The following PKN2 variants were observed in gnomAD, a reference collection of about 807,000 sequenced individuals.
PKN2 encodes protein kinase N2.
Under a neutral mutation model 119.1 loss-of-function variants are expected in PKN2, and 38 were observed. The ratio of observed to expected loss-of-function variants is 0.32; its 90% confidence interval spans 0.25 to 0.42. PKN2 has a LOEUF of 0.42. PKN2 is among the 10% of genes least tolerant of loss of function. The pLI is 1.00. For synonymous variants in PKN2, 390 were observed against 384.9 expected (o/e 1.01, Z -0.15); for missense variants, 850 against 1,165.1 (o/e 0.73, Z 3.94).
At chr1:88,704,277 A>C (rs982906414) in intron 1 of PKN2, among the ~76,000 whole-genome samples, 1 of 152,100 alleles carries the variant, frequency 6.6e-6, no homozygotes, top group Non-Finnish European at 1.5e-5. Flanking sequence ...CTTTCACTCA[A>C]ATCATGATTT....
chr1:88,798,649 A>G (rs1053911122), intron 8 of PKN2, among the ~76,000 whole-genome samples: 7 of 152,210 alleles, frequency 4.6e-5, no homozygotes, highest in Admixed American at 2.0e-4. Flanking sequence ...GAGATGAAAA[A>G]TATGAAAGAA....
intron 2 of PKN2, among the ~76,000 whole-genome samples, chr1:88,747,356 A>G (rs1248813770): frequency 1.3e-5 from 2 of 152,200 alleles, no homozygotes; most frequent in Admixed American, 6.5e-5. Flanking sequence ...GAAACATCAC[A>G]TTATACCCCA....
intron 15 of PKN2, among the ~76,000 whole-genome samples, chr1:88,811,676 G>A (rs959330484): frequency 6.6e-6 from 1 of 152,088 alleles, no homozygotes; most frequent in Non-Finnish European, 1.5e-5. Flanking sequence ...CATTCTTGGT[G>A]CTCTTTTCCC....
chr1:88,786,155 G>T lies in PKN2; in HGVS notation c.1223G>T (p.Ser408Ile). 1 of 1,613,248 alleles carries T rather than the reference G, an allele frequency of 6.2e-7. No homozygotes were observed. Among genetic ancestry groups the T allele is most frequent in the Non-Finnish European group, 8.5e-7 (1 of 1,179,254 alleles). Reference protein sequence around the residue: ...KLDNTVVGQTSWKPISNQSWD... With the variant: ...KLDNTVVGQTIWKPISNQSWD... Reference sequence around the variant, plus strand: ...GATAATACTGTGGTTGGCCAAACTAGCTGGAAACCCATTTCCAATCAGTCA... The same window carrying T: ...GATAATACTGTGGTTGGCCAAACTATCTGGAAACCCATTTCCAATCAGTCA... The change falls in exon 8 of 22, where the codon AGC becomes ATC. Residue 408 changes from serine to isoleucine, a missense_variant. Physicochemically the swap from Ser to Ile is moderately radical, Grantham distance 142. Transcript: ENST00000370521.
intron 8 of PKN2, among the ~76,000 whole-genome samples, chr1:88,793,331 T>G (rs1570639552): frequency 1.3e-5 from 2 of 152,340 alleles, no homozygotes; most frequent in East Asian, 3.9e-4. Context: ...TGTAATGTTT[T>G]TGATATTTCT....
intron 1 of PKN2, among the ~76,000 whole-genome samples, chr1:88,718,102 G>C (rs1667527982): frequency 6.6e-6 from 1 of 152,188 alleles, no homozygotes; most frequent in African/African-American, 2.4e-5. Flanking sequence ...TCCAGACCCT[G>C]TTTGCCTGGG....
rs551809486 is a variant in PKN2 at position 88,729,589 on chromosome 1, T to C, written c.49-11399T>C. ...TGTCTCTCTTTCAAGCAGGATAGTTTGGACTTCTTTATATAGCAGTTGGTT... is the reference window on the plus strand; with the variant it reads ...TGTCTCTCTTTCAAGCAGGATAGTTCGGACTTCTTTATATAGCAGTTGGTT... On this transcript the variant is annotated intron_variant, in intron 1 of 21. Transcript: ENST00000370521. Among the ~76,000 whole-genome samples the C allele has an allele frequency of 2.6e-5, 4 of 152,336 alleles. No individual in the cohort carries two copies. In the South Asian group the frequency reaches 8.3e-4, roughly 32 times the overall value.
chr1:88,713,076 C>T (rs918702651), intron 1 of PKN2, among the ~76,000 whole-genome samples: 3 of 152,196 alleles, frequency 2.0e-5, no homozygotes, highest in Admixed American at 2.0e-4. Flanking sequence ...TTTCCAGCTT[C>T]ATCCATGTCC....
intron 3 of PKN2, among the ~76,000 whole-genome samples, chr1:88,766,054 C>T (rs1355641468): frequency 3.3e-5 from 5 of 152,176 alleles, no homozygotes; most frequent in Non-Finnish European, 7.3e-5. Flanking sequence ...CTTAGATGAT[C>T]CCCCAGCCTT....
rs1672876799 is a variant in PKN2 at position 88,834,781 on chromosome 1, A to G, written c.*1333A>G. On this transcript the variant is annotated 3_prime_UTR_variant, in exon 22 of 22. Transcript: ENST00000370521. Reference sequence around the variant, plus strand: ...TTTTAGGGTTGTCTTTTTACAAACCATGACTTTCCACTTGCCTGTAGTTTT... The same window carrying G: ...TTTTAGGGTTGTCTTTTTACAAACCGTGACTTTCCACTTGCCTGTAGTTTT... 2 of 152,342 alleles carry G rather than the reference A, an allele frequency of 1.3e-5. No homozygotes were observed. Among genetic ancestry groups the G allele is most frequent in the African/African-American group, 4.8e-5 (2 of 41,440 alleles). The allele number at this position is 152,342 out of a possible 1,614,324, so 9.4% of individuals were successfully genotyped here.
At chr1:88,821,238 T>C (rs1427421224) in intron 16 of PKN2, among the ~76,000 whole-genome samples, 1 of 152,212 alleles carries the variant, frequency 6.6e-6, no homozygotes, top group Non-Finnish European at 1.5e-5. Flanking sequence ...TGTGAATCTG[T>C]CTCTCTGTTG....
intron 2 of PKN2, among the ~76,000 whole-genome samples, chr1:88,747,552 C>T (rs924558207): frequency 2.6e-5 from 4 of 152,002 alleles, no homozygotes; most frequent in African/African-American, 9.7e-5. Context: ...GAGAAAGATC[C>T]GGTTTCCTGA....
chr1:88,821,957 G>C lies in PKN2; in HGVS notation c.2296G>C (p.Val766Leu), dbSNP rs1375814312. 1 of 1,578,472 alleles carries C rather than the reference G, an allele frequency of 6.3e-7. No homozygotes were observed. Among genetic ancestry groups the C allele is most frequent in the South Asian group, 1.2e-5 (1 of 83,958 alleles). Residue 766 changes from valine to leucine, a missense_variant, in exon 17 of 22, where the codon GTA (valine) becomes CTA (leucine). Physicochemically the swap from Val to Leu is conservative, Grantham distance 32. Around this residue, in one of 9 missense-constraint regions of PKN2, gnomAD observed 55 missense variants for 85.9 expected, o/e 0.64. Transcript: ENST00000370521. ...EPRAVFYAAC[V>L]VLGLQYLHEH... ...TTCAAACAGATTTTATGCTGCTTGT[G>C]TAGTTCTTGGGTTGCAGTATTTACA...
chr1:88,827,486 T>C (rs1672543554), intron 18 of PKN2, among the ~76,000 whole-genome samples: 1 of 152,014 alleles, frequency 6.6e-6, no homozygotes, highest in East Asian at 1.9e-4. Context: ...TGCATGAAAC[T>C]AATCTTAAGT....
chr1:88,786,263 T>C (rs186721868), intron 8 of PKN2, 50 bp downstream of exon 8: 4 of 949,236 alleles, frequency 4.2e-6, no homozygotes, highest in African/African-American at 3.3e-5. Flanking sequence ...TCATTTTAAA[T>C]GTGAGTTATA....
At chr1:88,710,424 T>A (rs1159360636) in intron 1 of PKN2, among the ~76,000 whole-genome samples, 1 of 152,206 alleles carries the variant, frequency 6.6e-6, no homozygotes, top group African/African-American at 2.4e-5. Context: ...TATTTTTACA[T>A]GTAAAAGCTA....
intron 8 of PKN2, among the ~76,000 whole-genome samples, chr1:88,795,169 C>G (rs1163177560): frequency 1.3e-5 from 2 of 152,196 alleles, no homozygotes; most frequent in Non-Finnish European, 2.9e-5. Flanking sequence ...CAGCTTTCTC[C>G]TATCACCTGC....
intron 6 of PKN2, among the ~76,000 whole-genome samples, chr1:88,782,681 T>A (rs1403881273): frequency 1.3e-5 from 2 of 152,200 alleles, no homozygotes; most frequent in African/African-American, 4.8e-5. Flanking sequence ...GGTTTAAGTC[T>A]TTTTCATTTC....
At chr1:88,822,907 A>G (rs1229979807) in intron 17 of PKN2, among the ~76,000 whole-genome samples, 1 of 152,014 alleles carries the variant, frequency 6.6e-6, no homozygotes, top group Non-Finnish European at 1.5e-5. Flanking sequence ...TTTTCATGAT[A>G]AGATTGTTTT....
Sources: gnomAD v4.1 joint callset for allele counts (sites outside exome capture counted in the v4.1 genomes callset) on GRCh38, gnomAD v4.1.1 for gene constraint, gnomAD v4.1.1 regional missense constraint, MANE v1.5 for transcripts, NCBI Gene and HGNC (gene_info 2026-07-23, HGNC 2026-07-21) for gene names.